DLC1: variants seen among roughly 807,000 people sequenced by gnomAD.
DLC1 encodes the protein DLC1 Rho GTPase activating protein.
In DLC1, 54 loss-of-function variants were observed where a neutral mutation model predicts 140.3. The observed-to-expected ratio is 0.38, with a 90% CI of 0.31 to 0.48. The LOEUF is 0.48. Among genes scored for constraint, DLC1 ranks in the 20% least tolerant of loss-of-function variants. The probability of loss-of-function intolerance (pLI) is 0.96; values close to 1 mark genes in which losing one functional copy is unlikely to be tolerated. For missense variants in DLC1, 2,536 were observed against 1,907.0 expected, an observed-to-expected ratio of 1.33 and a Z score of -6.14; for synonymous variants, 986 against 728.1, an observed-to-expected ratio of 1.35 and a Z score of -5.70.
chr8:13,145,323 T>C (rs1343502518), intron 5 of DLC1, among the ~76,000 whole-genome samples: 2 of 152,078 alleles, frequency 1.3e-5, no homozygotes, highest in Non-Finnish European at 2.9e-5. Flanking sequence ...ATAAATAAAA[T>C]TAGACAAAAG....
intron 2 of DLC1, among the ~76,000 whole-genome samples, chr8:13,445,202 A>G (rs1301706227): frequency 6.6e-6 from 1 of 152,194 alleles, no homozygotes; most frequent in Non-Finnish European, 1.5e-5. Context: ...ATCTTATTGC[A>G]TGCTCTTGGT....
chr8:13,106,321 CTG>C (rs1819560849), intron 7 of DLC1, among the ~76,000 whole-genome samples: 1 of 152,208 alleles, frequency 6.6e-6, no homozygotes, highest in African/African-American at 2.4e-5. Context: ...TTCTTGGAAT[CTG>C]TGCAATTGCT....
At chr8:13,415,571 T>C (rs1585069136) in intron 2 of DLC1, among the ~76,000 whole-genome samples, 1 of 152,024 alleles carries the variant, frequency 6.6e-6, no homozygotes, top group South Asian at 2.1e-4. Context: ...GGCTAGTTTT[T>C]TGTAGTTTTA....
intron 5 of DLC1, among the ~76,000 whole-genome samples, chr8:13,268,758 A>G (rs1830792999): frequency 1.3e-5 from 2 of 151,366 alleles, no homozygotes; most frequent in Non-Finnish European, 2.9e-5. Flanking sequence ...TGTTTATAGG[A>G]TACTCTTGGC....
intron 4 of DLC1, among the ~76,000 whole-genome samples, chr8:13,322,295 CAAAT>C (rs1421590810): frequency 6.6e-6 from 1 of 152,142 alleles, no homozygotes; most frequent in East Asian, 1.9e-4. Flanking sequence ...CTAAAATAAA[CAAAT>C]AATATCATCT....
intron 5 of DLC1, among the ~76,000 whole-genome samples, chr8:13,269,390 C>T (rs1199429716): frequency 6.6e-6 from 1 of 152,132 alleles, no homozygotes; most frequent in Non-Finnish European, 1.5e-5. Flanking sequence ...ATCATCATCA[C>T]ACACAAACAA....
intron 4 of DLC1, among the ~76,000 whole-genome samples, chr8:13,372,485 A>C (rs886310999): frequency 6.6e-6 from 1 of 152,192 alleles, no homozygotes; most frequent in Non-Finnish European, 1.5e-5. Flanking sequence ...GACATGGAAG[A>C]ACATCAGTTC....
At chr8:13,572,391 C>A (rs1257322037) in intron 1 of DLC1, among the ~76,000 whole-genome samples, 1 of 152,114 alleles carries the variant, frequency 6.6e-6, no homozygotes, top group African/African-American at 2.4e-5. Context: ...ATAGTAAATT[C>A]TTATCAGATA....
chr8:13,516,468 T>G (rs890349338), upstream of DLC1, among the ~76,000 whole-genome samples: 1 of 152,204 alleles, frequency 6.6e-6, no homozygotes, highest in Non-Finnish European at 1.5e-5. Context: ...CACAAGGTTC[T>G]AACTACTATT....
chr8:13,249,674 G>C (rs898654237), intron 5 of DLC1, among the ~76,000 whole-genome samples: 8 of 151,786 alleles, frequency 5.3e-5, no homozygotes, highest in African/African-American at 1.9e-4. Flanking sequence ...TTACAGCAAC[G>C]TTCCCTCTGC....
At chr8:13,496,794 T>C (rs944051100) in intron 2 of DLC1, among the ~76,000 whole-genome samples, 1 of 10,170 alleles carries the variant, frequency 9.8e-5, no homozygotes. Context: ...TCCTTTTTTT[T>C]TTTTTTTTTT....
At chr8:13,170,316 T>C (rs970182036) in intron 5 of DLC1, among the ~76,000 whole-genome samples, 1 of 152,156 alleles carries the variant, frequency 6.6e-6, no homozygotes, top group East Asian at 1.9e-4. Flanking sequence ...GTCACAATCA[T>C]TGAGAAGAAA....
chr8:13,290,156 A>G (rs914367134), intron 5 of DLC1, among the ~76,000 whole-genome samples: 2 of 152,204 alleles, frequency 1.3e-5, no homozygotes, highest in Non-Finnish European at 2.9e-5. Flanking sequence ...ATCGAGTGCC[A>G]TGATAATCTG....
chr8:13,369,109 G>C (rs1199736932), intron 4 of DLC1, among the ~76,000 whole-genome samples: 1 of 152,112 alleles, frequency 6.6e-6, no homozygotes, highest in Non-Finnish European at 1.5e-5. Flanking sequence ...AGAACATTCA[G>C]GGCAGTGCTA....
upstream of DLC1, among the ~76,000 whole-genome samples, chr8:13,517,212 T>A (rs1465424946): frequency 6.6e-6 from 1 of 152,184 alleles, no homozygotes; most frequent in African/African-American, 2.4e-5. Flanking sequence ...TTAGTACTGA[T>A]ATACAGTGGT....
At chr8:13,367,985 G>A (rs74624013) in intron 4 of DLC1, among the ~76,000 whole-genome samples, 172 of 152,296 alleles carry the variant, frequency 1.1e-3, no homozygotes, top group African/African-American at 3.5e-3. Flanking sequence ...GTTTGGAAGA[G>A]TGTCTATACC....
intron 2 of DLC1, among the ~76,000 whole-genome samples, chr8:13,406,181 G>GTTGTTTTTTTTTTTT (rs1554514489): frequency 2.4e-5 from 2 of 84,960 alleles, no homozygotes; most frequent in Non-Finnish European, 2.2e-5. Context: ...TAATTTTTGT[G>GTTGTTTTTTTTTTTT]TTTTTTTTTT....
intron 5 of DLC1, among the ~76,000 whole-genome samples, chr8:13,217,093 T>G (rs1828240669): frequency 6.6e-6 from 1 of 152,176 alleles, no homozygotes; most frequent in African/African-American, 2.4e-5. Context: ...TACTCCTGGT[T>G]AATTTTGAGT....
chr8:13,306,569 TGTGTGTGTGTGTGTGAGAGAGA>T (rs1257918164), intron 4 of DLC1, among the ~76,000 whole-genome samples: 5 of 149,570 alleles, frequency 3.3e-5, no homozygotes, highest in Admixed American at 3.3e-4. Context: ...TGTGTGTGTG[TGTGTGTGTGTGTGTGAGAGAGA>T]GAGAGAGAGA....
Sources: gnomAD v4.1 joint callset for allele counts (sites outside exome capture counted in the v4.1 genomes callset) on GRCh38, gnomAD v4.1.1 for gene constraint, MANE v1.5 for transcripts, NCBI Gene and HGNC (gene_info 2026-07-23, HGNC 2026-07-21) for gene names.